TLL2: variants seen among roughly 807,000 people sequenced by gnomAD.
TLL2 encodes tolloid-like protein 2.
A neutral mutation model predicts 123.0 loss-of-function variants in TLL2; 106 were observed. That is an observed-to-expected ratio of 0.86 (90% CI 0.74 to 1.01). The LOEUF (loss-of-function observed/expected upper bound fraction) is 1.01. Ranked by LOEUF, TLL2 falls within the 50% of genes least tolerant of loss-of-function variation. The pLI, the probability that TLL2 is intolerant of heterozygous loss-of-function variation, is 0.00. For synonymous variants in TLL2, 494 were observed against 516.8 expected, an observed-to-expected ratio of 0.96 and a Z score of 0.60; for missense variants, 1,332 against 1,336.7, an observed-to-expected ratio of 1.00 and a Z score of 0.06.
rs150768539 is a variant in TLL2, at chr10:96,387,966, C to T, written c.1727-888G>A. ...GCATGTGGGATGTGGCCTACCAGAG[C>T]GAGAAAGGAGTCTAGTGAAGGGACA... On this transcript the variant is annotated intron_variant, in intron 13 of 20. Coordinates refer to ENST00000357947, the MANE Select transcript of TLL2 (RefSeq NM_012465.4). 7.4e-3 allele frequency among the ~76,000 whole-genome samples: 1,120 copies of T among 152,216 alleles called. 4 individuals are homozygous for T. Among genetic ancestry groups the T allele is most frequent in the Middle Eastern group, 0.017 (5 of 294 alleles).
chr10:96,425,088 A>G (rs1456329647), intron 5 of TLL2, among the ~76,000 whole-genome samples: 1 of 151,602 alleles, frequency 6.6e-6, no homozygotes, highest in Non-Finnish European at 1.5e-5. Flanking sequence ...TCTCCCACTC[A>G]TTTAAAATGT....
intron 2 of TLL2, among the ~76,000 whole-genome samples, chr10:96,468,138 T>C (rs1847146849): frequency 6.6e-6 from 1 of 152,186 alleles, no homozygotes; most frequent in Admixed American, 6.5e-5. Context: ...ATTCATTCTC[T>C]TGCGCCACAG....
intron 3 of TLL2, among the ~76,000 whole-genome samples, chr10:96,442,729 A>G (rs1846861727): frequency 6.6e-6 from 1 of 152,204 alleles, no homozygotes. Context: ...CAGAGGCAGA[A>G]TTTTAATGGG....
At chr10:96,369,951 C>T (rs1009820348) in intron 20 of TLL2, 114 bp downstream of exon 20, 6 of 1,411,022 alleles carry the variant, frequency 4.3e-6, no homozygotes, top group African/African-American at 2.9e-5. Context: ...GCCTCCTCGC[C>T]GTTGCTCCTA....
intron 19 of TLL2, among the ~76,000 whole-genome samples, chr10:96,371,693 G>A (rs192586077): frequency 9.2e-5 from 14 of 152,272 alleles, no homozygotes; most frequent in Middle Eastern, 3.4e-3. Flanking sequence ...CCATCCGGCC[G>A]GACGCCCCCA....
At chr10:96,511,227 G>A (rs2134119097) in intron 1 of TLL2, among the ~76,000 whole-genome samples, 1 of 152,374 alleles carries the variant, frequency 6.6e-6, no homozygotes, top group East Asian at 1.9e-4. Flanking sequence ...TATGCAACCA[G>A]GAAATGCAGT....
At chr10:96,499,320 A>G (rs1316296402) in intron 1 of TLL2, among the ~76,000 whole-genome samples, 1 of 152,172 alleles carries the variant, frequency 6.6e-6, no homozygotes, top group African/African-American at 2.4e-5. Context: ...AAGAAGTCAG[A>G]ATTTCAGCCC....
chr10:96,435,861 A>C (rs1846790824), intron 3 of TLL2, among the ~76,000 whole-genome samples: 1 of 152,170 alleles, frequency 6.6e-6, no homozygotes, highest in African/African-American at 2.4e-5. Context: ...TTTCTCTCTG[A>C]CGTCTTGTTT....
At chr10:96,444,127 A>T (rs1326684222) in intron 3 of TLL2, among the ~76,000 whole-genome samples, 1 of 152,238 alleles carries the variant, frequency 6.6e-6, no homozygotes, top group African/African-American at 2.4e-5. Flanking sequence ...TGTTAAAAAC[A>T]CTGATAATGA....
chr10:96,373,880 T>C, intron 18 of TLL2, 71 bp from the exon 19 acceptor site: 1 of 1,428,906 alleles, frequency 7.0e-7, no homozygotes, highest in Non-Finnish European at 9.7e-7. Context: ...CCTTTCCAGT[T>C]CTGGGACAGG....
intron 5 of TLL2, 25 bp from the exon 6 acceptor site, chr10:96,422,752 G>A (rs1331928883): frequency 1.2e-6 from 2 of 1,613,534 alleles, no homozygotes; most frequent in South Asian, 2.2e-5. Flanking sequence ...GAATACCCAG[G>A]TCAGCAGGTC....
At chr10:96,406,291 C>G (rs867609362) in intron 9 of TLL2, among the ~76,000 whole-genome samples, 10 of 152,128 alleles carry the variant, frequency 6.6e-5, no homozygotes, top group African/African-American at 2.4e-4. Context: ...TTCCACTAAA[C>G]CAGGTGCCTG....
chr10:96,403,586 C>CACTGCGGAAAGCCGCAGGG (rs1297020621), intron 10 of TLL2, among the ~76,000 whole-genome samples: 1 of 152,190 alleles, frequency 6.6e-6, no homozygotes, highest in East Asian at 1.9e-4. Flanking sequence ...GGGCACAGTG[C>CACTGCGGAAAGCCGCAGGG]ACCTCTGCCC....
chr10:96,502,701 A>G (rs983503613), intron 1 of TLL2, among the ~76,000 whole-genome samples: 1 of 138,036 alleles, frequency 7.2e-6, no homozygotes, highest in Admixed American at 7.7e-5. Context: ...CGACCCTGCG[A>G]CCTGAAAAAG....
intron 2 of TLL2, among the ~76,000 whole-genome samples, chr10:96,452,820 G>T (rs998286721): frequency 3.3e-5 from 5 of 152,168 alleles, no homozygotes; most frequent in Non-Finnish European, 7.3e-5. Flanking sequence ...CATCAATCAG[G>T]TGAAGTATTC....
chr10:96,476,627 C>T (rs991181491), intron 2 of TLL2, among the ~76,000 whole-genome samples: 22 of 135,834 alleles, frequency 1.6e-4, no homozygotes, highest in Non-Finnish European at 6.5e-5. Flanking sequence ...AGAAACATTG[C>T]TTCTAAGAGG....
In TLL2 at chr10:96,367,302, G is replaced by C. The variant is rs1846037791; in HGVS notation, c.*786C>G. The C allele has an allele frequency of 6.6e-6, 1 of 151,314 alleles. No individual in the cohort carries two copies. The highest frequency in any genetic ancestry group is 6.6e-5 in the Admixed American group (1 of 15,258). The allele number at this position is 151,314 out of a possible 1,614,324, so 9.4% of individuals were successfully genotyped here. On this transcript the variant is annotated 3_prime_UTR_variant, in exon 21 of 21. Coordinates refer to ENST00000357947, the MANE Select transcript of TLL2 (RefSeq NM_012465.4). ...CAAGCACAGGTGGAGTCTTCTCAAAGTCAATGAATGAAAAAAATATCAGGA... is the reference window on the plus strand; with the variant it reads ...CAAGCACAGGTGGAGTCTTCTCAAACTCAATGAATGAAAAAAATATCAGGA...
intron 7 of TLL2, among the ~76,000 whole-genome samples, chr10:96,413,589 A>G (rs186394886): frequency 3.9e-5 from 6 of 152,292 alleles, no homozygotes; most frequent in Non-Finnish European, 1.5e-5. Flanking sequence ...GGGCTTCCTT[A>G]GGGATGTGTC....
intron 2 of TLL2, among the ~76,000 whole-genome samples, chr10:96,459,669 CAAAAAAAAAAAAAA>C (rs1165594084): frequency 0.02 from 495 of 24,376 alleles, 7 homozygotes; most frequent in Non-Finnish European, 0.029. Flanking sequence ...GATCCTGTTT[CAAAAAAAAAAAAAA>C]AAAAAAAAAA....
Sources: allele counts gnomAD v4.1 joint callset (sites outside exome capture counted in the v4.1 genomes callset), GRCh38; gene constraint gnomAD v4.1.1; transcripts MANE v1.5; gene names NCBI Gene and HGNC (gene_info 2026-07-23, HGNC 2026-07-21).